PDE1A: variants seen among roughly 807,000 people sequenced by gnomAD.
The protein encoded by PDE1A is phosphodiesterase 1A.
PDE1A carries 35 observed loss-of-function variants against 61.7 expected under a neutral mutation model. The observed-to-expected ratio is 0.57, with a 90% CI of 0.43 to 0.75. PDE1A has a LOEUF of 0.75. PDE1A is among the 30% of genes least tolerant of loss of function. PDE1A has a pLI of 0.00. For missense variants in PDE1A, 597 were observed against 630.6 expected (o/e 0.95, Z 0.57); for synonymous variants, 232 against 213.2 (o/e 1.09, Z -0.77).
intron 1 of PDE1A, among the ~76,000 whole-genome samples, chr2:182,304,772 G>C (rs879418213): frequency 1.3e-5 from 2 of 152,008 alleles, no homozygotes; most frequent in Non-Finnish European, 2.9e-5. Context: ...ATGATTTAGT[G>C]GTGCCCCAAA....
chr2:182,551,303 T>G, the PDE1A span, among the ~76,000 whole-genome samples: 3 of 152,026 alleles, frequency 2.0e-5, 1 homozygote, highest in African/African-American at 7.3e-5. Context: ...AGAGGCCAAT[T>G]ATTGGAGGAA....
chr2:182,185,855 G>C, intron 13 of PDE1A, 37 bp downstream of exon 13: 1 of 1,612,128 alleles, frequency 6.2e-7, no homozygotes, highest in Non-Finnish European at 8.5e-7. Flanking sequence ...AGTGAAGACA[G>C]AGAGAGATGG....
intron 6 of PDE1A, among the ~76,000 whole-genome samples, chr2:182,227,537 A>G (rs1006746659): frequency 7.9e-5 from 12 of 152,060 alleles, no homozygotes; most frequent in African/African-American, 2.9e-4. Context: ...CCAGTATAGA[A>G]AATTGGCATA....
the PDE1A span, among the ~76,000 whole-genome samples, chr2:182,597,615 G>A: frequency 6.6e-6 from 1 of 152,116 alleles, no homozygotes; most frequent in Non-Finnish European, 1.5e-5. Context: ...TCGTAATTTT[G>A]CCCAAAGCCC....
intron 13 of PDE1A, among the ~76,000 whole-genome samples, chr2:182,161,892 T>C (rs1449549149): frequency 6.6e-6 from 1 of 152,116 alleles, no homozygotes; most frequent in Non-Finnish European, 1.5e-5. Context: ...AAACAGGCAC[T>C]ATAAGTTTAT....
the PDE1A span, among the ~76,000 whole-genome samples, chr2:182,626,814 CATATATAT>C: frequency 5.6e-5 from 1 of 17,870 alleles, no homozygotes; most frequent in Non-Finnish European, 1.0e-4. Context: ...TATATATATA[CATATATAT>C]ATACATATAT....
intron 10 of PDE1A, among the ~76,000 whole-genome samples, chr2:182,196,623 G>C (rs939565563): frequency 2.0e-5 from 3 of 151,674 alleles, no homozygotes; most frequent in Non-Finnish European, 4.4e-5. Flanking sequence ...CCTCGTCCAA[G>C]GAATCCTAAC....
chr2:182,229,984 T>G, intron 6 of PDE1A, 22 bp downstream of exon 6: 1 of 1,591,920 alleles, frequency 6.3e-7, no homozygotes, highest in Non-Finnish European at 8.6e-7. Flanking sequence ...CTAACAAACC[T>G]CAGTTACAAA....
At chr2:182,637,017 C>T in the PDE1A span, among the ~76,000 whole-genome samples, 3 of 152,332 alleles carry the variant, frequency 2.0e-5, no homozygotes, top group Middle Eastern at 3.4e-3. Flanking sequence ...ATCTCTCTAA[C>T]TCCGCCTGAA....
At chr2:182,710,719 T>C in the PDE1A span, among the ~76,000 whole-genome samples, 2 of 152,250 alleles carry the variant, frequency 1.3e-5, no homozygotes, top group Non-Finnish European at 2.9e-5. Flanking sequence ...TAATATTCCA[T>C]GGTATATATA....
intron 2 of PDE1A, among the ~76,000 whole-genome samples, chr2:182,504,790 A>T (rs1339281946): frequency 6.6e-6 from 1 of 152,266 alleles, no homozygotes; most frequent in African/African-American, 2.4e-5. Context: ...AAATTAAGTG[A>T]CAGCTTCAAA....
At chr2:182,297,819 T>G (rs544246195) in intron 1 of PDE1A, among the ~76,000 whole-genome samples, 2 of 152,300 alleles carry the variant, frequency 1.3e-5, no homozygotes, top group African/African-American at 4.8e-5. Context: ...CTCACTCCAT[T>G]TATGGTATAA....
At chr2:182,145,594 G>A (rs1690453491), downstream of PDE1A, among the ~76,000 whole-genome samples, 1 of 151,956 alleles carries the variant, frequency 6.6e-6, no homozygotes, top group South Asian at 2.1e-4. Context: ...CCAGGCTTGG[G>A]GGTGGGTGCC....
At chr2:182,224,173 A>G (rs186055683) in intron 6 of PDE1A, among the ~76,000 whole-genome samples, 1 of 151,930 alleles carries the variant, frequency 6.6e-6, no homozygotes, top group Admixed American at 6.6e-5. Flanking sequence ...TAAGTTCAAA[A>G]TTCAGAATAT....
At chr2:182,184,365 A>G (rs954312477) in intron 13 of PDE1A, among the ~76,000 whole-genome samples, 2 of 152,164 alleles carry the variant, frequency 1.3e-5, no homozygotes, top group African/African-American at 2.4e-5. Context: ...ACAAGGAAGC[A>G]ACAATACAAT....
intron 1 of PDE1A, among the ~76,000 whole-genome samples, chr2:182,282,460 G>A (rs1174647134): frequency 2.6e-5 from 4 of 151,832 alleles, no homozygotes; most frequent in Non-Finnish European, 1.5e-5. Flanking sequence ...AAGTTCATAG[G>A]TGTCATTGTT....
chr2:182,406,032 A>T (rs1019042862), intron 1 of PDE1A, among the ~76,000 whole-genome samples: 2 of 152,234 alleles, frequency 1.3e-5, no homozygotes, highest in Non-Finnish European at 1.5e-5. Context: ...TTACCAAAAA[A>T]AAATAAATTT....
the PDE1A span, among the ~76,000 whole-genome samples, chr2:182,701,848 AACTG>A: frequency 6.6e-6 from 1 of 152,214 alleles, no homozygotes; most frequent in Admixed American, 6.5e-5. Context: ...CAGCAAAACT[AACTG>A]ACTGAGACAA....
chr2:182,565,104 A>G, the PDE1A span, among the ~76,000 whole-genome samples: 2 of 152,184 alleles, frequency 1.3e-5, no homozygotes, highest in Non-Finnish European at 2.9e-5. Context: ...GAGGAACTGC[A>G]TTCCTTTGGA....
Sources: allele counts gnomAD v4.1 joint callset (sites outside exome capture counted in the v4.1 genomes callset), GRCh38; gene constraint gnomAD v4.1.1; transcripts MANE v1.5; gene names NCBI Gene and HGNC (gene_info 2026-07-23, HGNC 2026-07-21).